The following NCOR2 variants were observed in gnomAD, a reference collection of about 807,000 sequenced individuals.
NCOR2 encodes nuclear receptor corepressor 2, also known as CTG repeat protein 26.
In NCOR2, 81 loss-of-function variants were observed where a neutral mutation model predicts 262.9. The observed-to-expected ratio is 0.31, with a 90% confidence interval of 0.26 to 0.37. NCOR2 has a LOEUF of 0.37. Ranked by LOEUF, NCOR2 falls within the 10% of genes least tolerant of loss-of-function variation. The pLI, the probability that NCOR2 is intolerant of heterozygous loss-of-function variation, is 1.00. For missense variants in NCOR2, 3,385 were observed against 3,621.4 expected (o/e 0.93, Z 1.68); for synonymous variants, 1,659 against 1,559.3 (o/e 1.06, Z -1.51).
intron 12 of NCOR2, among the ~76,000 whole-genome samples, chr12:124,420,577 C>A (rs1179999053): frequency 6.6e-6 from 1 of 152,228 alleles, no homozygotes; most frequent in Non-Finnish European, 1.5e-5. Context: ...CCACGCCCCA[C>A]GCGCCTCTTC....
intron 1 of NCOR2, among the ~76,000 whole-genome samples, chr12:124,509,120 C>G (rs1043393152): frequency 6.6e-6 from 1 of 152,186 alleles, no homozygotes; most frequent in East Asian, 1.9e-4. Context: ...CACCCGGCCC[C>G]ACTCCGTGCA....
At chr12:124,459,856 C>T (rs993834586) in intron 5 of NCOR2, among the ~76,000 whole-genome samples, 3 of 152,182 alleles carry the variant, frequency 2.0e-5, no homozygotes, top group Non-Finnish European at 4.4e-5. Flanking sequence ...GGTCCCAGCC[C>T]TCACAGGACC....
exon 42 of NCOR2, chr12:124,333,146 C>G: frequency 1.9e-6 from 3 of 1,608,806 alleles, no homozygotes; most frequent in Non-Finnish European, 2.5e-6. Flanking sequence ...TCCGTCTGTT[C>G]CCCATCCCGG....
At chr12:124,526,335 C>T (rs1306233183) in intron 1 of NCOR2, among the ~76,000 whole-genome samples, 2 of 152,222 alleles carry the variant, frequency 1.3e-5, no homozygotes, top group Admixed American at 6.5e-5. Context: ...ATCCAAGCCA[C>T]GGCCCAGCAA....
intron 3 of NCOR2, among the ~76,000 whole-genome samples, chr12:124,475,178 C>T (rs1008360425): frequency 1.3e-5 from 2 of 152,158 alleles, no homozygotes; most frequent in Non-Finnish European, 2.9e-5. Flanking sequence ...GCTCCCTCCA[C>T]ACACACGGAC....
intron 15 of NCOR2, 90 bp downstream of exon 17, chr12:124,400,411 A>AT: frequency 6.5e-7 from 1 of 1,532,628 alleles, no homozygotes. Flanking sequence ...GCTGTTGCCA[A>AT]TTAACTCAAA....
At chr12:124,419,131 T>TC (rs58615933) in intron 13 of NCOR2, among the ~76,000 whole-genome samples, 3,606 of 152,102 alleles carry the variant, frequency 0.024, 141 homozygotes, top group African/African-American at 0.083. Context: ...GCGCCCAGGA[T>TC]CCCCCTTTCA....
chr12:124,343,314 G>C, intron 32 of NCOR2, 88 bp from the exon 35 acceptor site: 1 of 1,068,432 alleles, frequency 9.4e-7, no homozygotes, highest in Non-Finnish European at 1.3e-6. Context: ...GGATCCCAAG[G>C]ACCAGGTCTC....
In NCOR2 at chr12:124,440,423, GC is replaced by G. The variant is rs2044741400; in HGVS notation, c.816-2428del. Among the ~76,000 whole-genome samples, 1 of 152,082 alleles carries G rather than the reference GC, an allele frequency of 6.6e-6. No individual in the cohort carries two copies. Among genetic ancestry groups the G allele is most frequent in the East Asian group, 1.9e-4 (1 of 5,180 alleles). ...CCCACCTTCCATCAGTCTGGCCGCC[GC>G]CCCCCGGCCAGGGTGGGCCATGGGG... On this transcript the variant is annotated intron_variant, in intron 7 of 46. Transcript: ENST00000405201. This position sits in a 1 kb window ranked among gnomAD's most constrained non-coding sequence, Gnocchi z 5.7.
chr12:124,340,344 G>C, exon 36 of NCOR2: 1 of 1,612,922 alleles, frequency 6.2e-7, no homozygotes, highest in Non-Finnish European at 8.5e-7. Flanking sequence ...CGTGAGGATG[G>C]ACTTTTCCCG....
rs1196611266 is a variant in NCOR2, at chr12:124,483,138, GC to G, written c.411+457del. 6.6e-6 allele frequency among the ~76,000 whole-genome samples: 1 copy of G among 152,062 alleles called. No individual in the cohort carries two copies. Among genetic ancestry groups the G allele is most frequent in the Non-Finnish European group, 1.5e-5 (1 of 67,992 alleles). On this transcript the variant is annotated intron_variant, in intron 3 of 46. Coordinates refer to ENST00000405201, the Ensembl canonical transcript of NCOR2. The surrounding 1 kb of genome is among the most constrained non-coding windows in gnomAD (Gnocchi z 6.3). ...CAGGGCTCGAGGCAGGGGTCACTGA[GC>G]CCCCTGTTCCAAGCAAGCATGGAAC...
chr12:124,416,605 A>G (rs1593440115), intron 13 of NCOR2, among the ~76,000 whole-genome samples: 2 of 141,192 alleles, frequency 1.4e-5, no homozygotes, highest in Admixed American at 7.0e-5. Flanking sequence ...GCACAGATAG[A>G]CCCCGCGGCA....
intron 1 of NCOR2, among the ~76,000 whole-genome samples, chr12:124,520,219 C>G (rs2050103673): frequency 6.6e-6 from 1 of 152,196 alleles, no homozygotes; most frequent in Admixed American, 6.5e-5. Context: ...TACTCTTACG[C>G]CTTCTTTTAT....
rs908696877 is a variant in NCOR2, at chr12:124,389,670, G to A, written c.1877-3783C>T. On this transcript the variant is annotated intron_variant, in intron 16 of 46. Coordinates refer to ENST00000405201, the Ensembl canonical transcript of NCOR2. The surrounding 1 kb of genome is among the most constrained non-coding windows in gnomAD (Gnocchi z 4.4). ...CTGTCGGGGACTGTGGGTGGGCAGG[G>A]CTAGCCTCGCATTCCGGAGGGATCC... Among the ~76,000 whole-genome samples the A allele has an allele frequency of 2.0e-5, 3 of 152,180 alleles. No individual in the cohort carries two copies. Among genetic ancestry groups the A allele is most frequent in the Admixed American group, 2.0e-4 (3 of 15,288 alleles).
chr12:124,480,259 A>G (rs2136768420), intron 3 of NCOR2, among the ~76,000 whole-genome samples: 1 of 152,324 alleles, frequency 6.6e-6, no homozygotes, highest in African/African-American at 2.4e-5. Flanking sequence ...TAAGGAGCTT[A>G]GGGTGCCCCA....
exon 46 of NCOR2, chr12:124,326,294 A>G: frequency 6.4e-7 from 1 of 1,567,872 alleles, no homozygotes; most frequent in Non-Finnish European, 8.6e-7. Context: ...GCCGGTCCCC[A>G]GATGCCAGGC....
chr12:124,391,251 C>A (rs932179984), intron 16 of NCOR2, among the ~76,000 whole-genome samples: 1 of 152,292 alleles, frequency 6.6e-6, no homozygotes, highest in Non-Finnish European at 1.5e-5. Context: ...AGTCAGCCCC[C>A]AACCCTGGAA....
chr12:124,329,282 T>C, intron 44 of NCOR2: 1 of 371,476 alleles, frequency 2.7e-6, no homozygotes, highest in Non-Finnish European at 5.4e-6. Flanking sequence ...GCCAATATGA[T>C]GAAACCCCGT....
At chr12:124,434,318 C>A (rs1193213583) in intron 8 of NCOR2, among the ~76,000 whole-genome samples, 1 of 152,134 alleles carries the variant, frequency 6.6e-6, no homozygotes, top group East Asian at 1.9e-4. Context: ...TCAGGGACTT[C>A]GGCTTCTTAT....
Sources: gnomAD v4.1 joint callset for allele counts (sites outside exome capture counted in the v4.1 genomes callset) on GRCh38, gnomAD v4.1.1 for gene constraint, Gnocchi (gnomAD v3.1) non-coding constraint, MANE v1.5 for transcripts, NCBI Gene and HGNC (gene_info 2026-07-23, HGNC 2026-07-21) for gene names.